Variants in PLOD2 observed in about 807,000 individuals in gnomAD.
PLOD2 encodes lysine hydroxylase 2.
PLOD2 carries 65 observed loss-of-function variants against 101.0 expected under a neutral mutation model. That is an observed-to-expected ratio of 0.64 (90% CI 0.53 to 0.79). The LOEUF is 0.79. PLOD2 is among the 30% of genes least tolerant of loss of function. PLOD2 has a pLI of 0.00. For missense variants in PLOD2, 909 were observed against 914.6 expected (o/e 0.99, Z 0.08); for synonymous variants, 314 against 302.9 (o/e 1.04, Z -0.38).
chr3:146,114,033 GC>G (rs1350889615), intron 3 of PLOD2, among the ~76,000 whole-genome samples: 2 of 152,118 alleles, frequency 1.3e-5, no homozygotes, highest in Non-Finnish European at 2.9e-5. Flanking sequence ...GGATGAAATA[GC>G]CCCAGTCTCT....
rs145120433 is a variant in PLOD2, at chr3:146,082,307, T to C, written c.1233-444A>G. On this transcript the variant is annotated intron_variant, in intron 11 of 19. Coordinates refer to ENST00000282903, the MANE Select transcript of PLOD2 (RefSeq NM_182943.3). ...ATTTAAGATATTCAATGAATATTTG[T>C]TGAATTTGTAAAAAATGAATGAAGA... 6.9e-4 allele frequency among the ~76,000 whole-genome samples: 105 copies of C among 152,292 alleles called. 1 individual carries two copies. The highest frequency in any genetic ancestry group is 2.3e-3 in the African/African-American group (95 of 41,556).
At chr3:146,101,627 C>T (rs1477459141) in intron 7 of PLOD2, among the ~76,000 whole-genome samples, 1 of 152,120 alleles carries the variant, frequency 6.6e-6, no homozygotes, top group African/African-American at 2.4e-5. Flanking sequence ...GTAGTGACAG[C>T]GAGTTATCTA....
At chr3:146,090,347 C>A (rs1936933889) in intron 8 of PLOD2, among the ~76,000 whole-genome samples, 1 of 151,326 alleles carries the variant, frequency 6.6e-6, no homozygotes, top group African/African-American at 2.4e-5. Context: ...AATAGTTTTC[C>A]TTTCTATCAC....
intron 3 of PLOD2, among the ~76,000 whole-genome samples, chr3:146,113,652 T>G (rs1180964579): frequency 6.6e-6 from 1 of 152,212 alleles, no homozygotes; most frequent in Non-Finnish European, 1.5e-5. Flanking sequence ...CTGTCTTTAC[T>G]TTAATCTCTT....
chr3:146,118,373 G>C (rs1212337237), intron 3 of PLOD2, among the ~76,000 whole-genome samples: 1 of 151,926 alleles, frequency 6.6e-6, no homozygotes, highest in African/African-American at 2.4e-5. Context: ...TGTATCTTTT[G>C]AAAATTTTTA....
rs192256016 is a variant in PLOD2 at position 146,140,444 on chromosome 3, T to G, written c.110-16215A>C. Among the ~76,000 whole-genome samples, 597 of 152,148 alleles carry G rather than the reference T, an allele frequency of 3.9e-3. 1 individual carries two copies. The highest frequency in any genetic ancestry group is 0.014 in the African/African-American group (574 of 41,534). The stretch of plus-strand genomic sequence containing the variant: ...GTGTTTTGTCAGCTTCAACGACCTC[T>G]CCCCAACAATCCTCACTCATTCTTA... On this transcript the variant is annotated intron_variant, in intron 1 of 19. Transcript: ENST00000282903.
rs186750260 is a variant in PLOD2, at chr3:146,077,190, T to C, written c.1564-295A>G. 4.8e-6 allele frequency: 5 copies of C among 1,034,110 alleles called. No homozygotes were observed. In the East Asian group the frequency reaches 4.4e-4, roughly 90 times the overall value. 64.1% of individuals were successfully genotyped at this position (1,034,110 alleles called of 1,614,324 possible). On this transcript the variant is annotated intron_variant, in intron 14 of 19. Transcript: ENST00000282903. ...CTAGATGTAGACATCGGGGAAAAAA[T>C]TCCTGTTTGAAAGCAGAAATATTTT... is the stretch of plus-strand genomic sequence containing the variant.
At chr3:146,078,869 C>T (rs1015425289) in intron 13 of PLOD2, among the ~76,000 whole-genome samples, 1 of 151,884 alleles carries the variant, frequency 6.6e-6, no homozygotes, top group Non-Finnish European at 1.5e-5. Flanking sequence ...ATCTTTATTA[C>T]TGAAATCCAA....
At chr3:146,123,653 A>G (rs972256479) in intron 2 of PLOD2, among the ~76,000 whole-genome samples, 2 of 151,164 alleles carry the variant, frequency 1.3e-5, no homozygotes, top group Non-Finnish European at 3.0e-5. Context: ...AAAATTATGC[A>G]GTCAGTGAAA....
intron 1 of PLOD2, among the ~76,000 whole-genome samples, chr3:146,137,479 T>A (rs2031297786): frequency 6.6e-6 from 1 of 152,150 alleles, no homozygotes; most frequent in Admixed American, 6.6e-5. Context: ...TAACTCCTGG[T>A]CTCAAGTGAT....
At chr3:146,104,072 C>A (rs1381053444) in intron 6 of PLOD2, among the ~76,000 whole-genome samples, 1 of 152,172 alleles carries the variant, frequency 6.6e-6, no homozygotes, top group East Asian at 1.9e-4. Context: ...AGAAGCTTAT[C>A]TTTTTCACAC....
intron 1 of PLOD2, among the ~76,000 whole-genome samples, chr3:146,133,380 T>C (rs778522990): frequency 1.6e-4 from 24 of 152,186 alleles, no homozygotes. Flanking sequence ...AAGTCATTAA[T>C]ACATACATAT....
chr3:146,137,007 C>A lies in PLOD2; in HGVS notation c.110-12778G>T, dbSNP rs145750941. 3.9e-5 allele frequency among the ~76,000 whole-genome samples: 6 copies of A among 152,266 alleles called. No individual in the cohort carries two copies. The East Asian group carries it at 1.2e-3, about 29-fold the overall frequency. ...AGCATTTTGCATAAGGGATATCCAA[C>A]CTGTATTCCAAACAATGAAGTTCTT... On this transcript the variant is annotated intron_variant, in intron 1 of 19. Coordinates refer to ENST00000282903, the MANE Select transcript of PLOD2 (RefSeq NM_182943.3).
chr3:146,103,898 C>A (rs1937482280), intron 6 of PLOD2, among the ~76,000 whole-genome samples: 1 of 150,960 alleles, frequency 6.6e-6, no homozygotes, highest in Admixed American at 6.6e-5. Context: ...TAGTTGTCAC[C>A]AGTTATCTTT....
Position 146,097,824 on chromosome 3 carries a change from T to TA in PLOD2, c.777+4930dup, listed in dbSNP as rs1161133878. Among the ~76,000 whole-genome samples, 36 of 144,874 alleles carry TA rather than the reference T, an allele frequency of 2.5e-4. 1 individual carries two copies. Among genetic ancestry groups the TA allele is most frequent in the Non-Finnish European group, 4.8e-4 (32 of 66,070 alleles). On this transcript the variant is annotated intron_variant, in intron 7 of 19. Transcript: ENST00000282903. ...AAAAAAATAATAATAATAATAATAA[T>TA]AAAAAAAGAAAATGTGGCATATATA...
chr3:146,116,769 T>C lies in PLOD2; in HGVS notation c.338+4343A>G, dbSNP rs78598677. On this transcript the variant is annotated intron_variant, in intron 3 of 19. Coordinates refer to ENST00000282903, the MANE Select transcript of PLOD2 (RefSeq NM_182943.3). ...AGACAGTATCAGATGGTCTCACTCA[T>C]ATATGGATATCTTCAGTTTTCCTTT... Among the ~76,000 whole-genome samples the C allele has an allele frequency of 2.5e-3, 374 of 152,268 alleles. 2 individuals are homozygous for C. The highest frequency in any genetic ancestry group is 4.9e-3 in the Non-Finnish European group (331 of 67,998).
intron 1 of PLOD2, among the ~76,000 whole-genome samples, chr3:146,155,506 T>C (rs2032262045): frequency 1.4e-5 from 2 of 146,620 alleles, no homozygotes; most frequent in Non-Finnish European, 3.0e-5. Context: ...AGGTCAGGAG[T>C]TCAAGACCAG....
intron 1 of PLOD2, among the ~76,000 whole-genome samples, chr3:146,145,440 T>TG (rs2031730796): frequency 6.6e-6 from 1 of 152,072 alleles, no homozygotes; most frequent in Non-Finnish European, 1.5e-5. Context: ...ATAAATACCA[T>TG]GTGTAGTTGG....
chr3:146,094,667 T>C (rs1051506001), intron 7 of PLOD2, among the ~76,000 whole-genome samples: 1 of 152,164 alleles, frequency 6.6e-6, no homozygotes, highest in African/African-American at 2.4e-5. Flanking sequence ...ATAGATTCAA[T>C]GTTATTCCCA....
Sources: allele counts gnomAD v4.1 joint callset (sites outside exome capture counted in the v4.1 genomes callset), GRCh38; gene constraint gnomAD v4.1.1; transcripts MANE v1.5; gene names NCBI Gene and HGNC (gene_info 2026-07-23, HGNC 2026-07-21).